Variants in OASL observed in about 807,000 individuals in gnomAD.
The protein encoded by OASL is 2'-5'-oligoadenylate synthase-like protein.
Under a neutral mutation model 35.3 loss-of-function variants are expected in OASL, and 28 were observed. That is an observed-to-expected ratio of 0.79 (90% confidence interval 0.59 to 1.09). The LOEUF (loss-of-function observed/expected upper bound fraction) is 1.09. Ranked by LOEUF, OASL falls within the 50% of genes least tolerant of loss-of-function variation. The pLI is 0.00. For synonymous variants in OASL, 252 were observed against 254.6 expected (o/e 0.99, Z 0.10); for missense variants, 620 against 635.2 (o/e 0.98, Z 0.26).
chr12:121,037,680 G>A (rs1295867060), intron 1 of OASL, among the ~76,000 whole-genome samples: 2 of 152,042 alleles, frequency 1.3e-5, no homozygotes, highest in African/African-American at 4.8e-5. Flanking sequence ...GCTGAGGCAG[G>A]GGAATTGCTT....
Position 121,021,972 on chromosome 12 carries a change from G to A in OASL, c.1048-914C>T, listed in dbSNP as rs115721757. On this transcript the variant is annotated intron_variant, in intron 5 of 5. Coordinates refer to ENST00000257570, the Ensembl canonical transcript of OASL. ...TCACCTCAGGCTGCAGTGCAGTGGT[G>A]CAATCTTAACTCACTGCGCCTTGAC... Among the ~76,000 whole-genome samples the A allele has an allele frequency of 3.6e-3, 541 of 152,190 alleles. 6 individuals are homozygous for A. Among genetic ancestry groups the A allele is most frequent in the African/African-American group, 0.012 (514 of 41,528 alleles).
intron 5 of OASL, among the ~76,000 whole-genome samples, chr12:121,021,627 A>G (rs183739427): frequency 5.6e-4 from 85 of 152,382 alleles, no homozygotes; most frequent in African/African-American, 1.9e-3. Context: ...CCTGGCCAAC[A>G]TGGCAAAACC....
intron 5 of OASL, among the ~76,000 whole-genome samples, chr12:121,021,748 T>G (rs904561131): frequency 6.6e-6 from 1 of 151,884 alleles, no homozygotes; most frequent in African/African-American, 2.4e-5. Flanking sequence ...GAGGTGGAGG[T>G]TGCAGTGAGC....
intron 1 of OASL, among the ~76,000 whole-genome samples, chr12:121,034,881 G>A (rs1355204854): frequency 1.3e-5 from 2 of 152,008 alleles, no homozygotes; most frequent in Non-Finnish European, 2.9e-5. Flanking sequence ...TTCTGCTGCC[G>A]GGGGGTCAGT....
At chr12:121,029,786 A>C in intron 3 of OASL, among the ~76,000 whole-genome samples, 1 of 152,316 alleles carries the variant, frequency 6.6e-6, no homozygotes, top group South Asian at 2.1e-4. Flanking sequence ...TAACATTATA[A>C]TTTTGTTAGA....
At chr12:121,037,761 ACT>A in intron 1 of OASL, among the ~76,000 whole-genome samples, 1 of 126,002 alleles carries the variant, frequency 7.9e-6, no homozygotes, top group South Asian at 2.8e-4. Context: ...ACAGAGCAAG[ACT>A]CTGTCTCAAA....
In OASL at chr12:121,038,893, G is replaced by A. The variant is rs774679549; in HGVS notation, c.79C>T (p.Arg27Trp). Residue 27 changes from arginine to tryptophan, a missense_variant, in exon 1 of 6, where the codon CGG becomes TGG. Arg to Trp is a moderately radical substitution (Grantham distance 101, BLOSUM62 -3). Coordinates refer to ENST00000257570, the Ensembl canonical transcript of OASL. ...TCTAGCACCTCTTCCTTCCACTCCC[G>A]GTGGGGCTGCAGCCACTGAGCCACG... 23 of 1,613,988 alleles carry A rather than the reference G, an allele frequency of 1.4e-5. No homozygotes were observed. The highest frequency in any genetic ancestry group is 1.3e-4 in the African/African-American group (10 of 74,936).
At chr12:121,026,770 C>A (rs1659487598) in intron 4 of OASL, among the ~76,000 whole-genome samples, 1 of 151,662 alleles carries the variant, frequency 6.6e-6, no homozygotes, top group South Asian at 2.1e-4. Flanking sequence ...GGGAATCACT[C>A]GAACCCAGGA....
intron 5 of OASL, 154 bp downstream of exon 5, chr12:121,023,836 A>C: frequency 1.3e-6 from 1 of 772,952 alleles, no homozygotes; most frequent in Non-Finnish European, 2.0e-6. Flanking sequence ...GAATTTGTCC[A>C]AGTTCACGGA....
At chr12:121,033,590 G>A in exon 2 of OASL, 1 of 1,614,190 alleles carries the variant, frequency 6.2e-7, no homozygotes. Context: ...AGGTCCAGCA[G>A]GTCCTGGCTT....
chr12:121,036,315 C>A (rs576170958), intron 1 of OASL, among the ~76,000 whole-genome samples: 1 of 152,284 alleles, frequency 6.6e-6, no homozygotes, highest in Non-Finnish European at 1.5e-5. Context: ...CAGCTCCGCT[C>A]ACTAGATTTT....
rs376664807 is a variant in OASL, at chr12:121,032,263, A to T, written c.482-646T>A. ...GTTCCATGGTACACATCACTGAGAC[A>T]TCCCAGCACTCTCTTCCTTGCTAAA... On this transcript the variant is annotated intron_variant, in intron 2 of 5. Transcript: ENST00000257570. 6.5e-4 allele frequency among the ~76,000 whole-genome samples: 99 copies of T among 152,290 alleles called. 2 individuals are homozygous for T. The South Asian group carries it at 0.015, about 24-fold the overall frequency.
chr12:121,037,422 A>G (rs1252768985), intron 1 of OASL, among the ~76,000 whole-genome samples: 1 of 151,930 alleles, frequency 6.6e-6, no homozygotes, highest in African/African-American at 2.4e-5. Flanking sequence ...TCAAGTTCAA[A>G]TCCCAGCTTC....
intron 2 of OASL, 61 bp from the exon 3 acceptor site, chr12:121,031,678 A>T: frequency 6.7e-7 from 1 of 1,495,166 alleles, no homozygotes; most frequent in Admixed American, 1.7e-5. Context: ...GGTGGTAAGT[A>T]GTATTTTGGG....
At chr12:121,020,481 T>G (rs1469359615) in exon 6 of OASL, 6 of 1,428,226 alleles carry the variant, frequency 4.2e-6, no homozygotes, top group Middle Eastern at 1.9e-4. Context: ...ACCTTCCCAG[T>G]AGACAATGGG....
In OASL at chr12:121,035,549, A is replaced by C. The variant is rs976285487; in HGVS notation, c.199-1806T>G. On this transcript the variant is annotated intron_variant, in intron 1 of 5. Transcript: ENST00000257570. ...AAACAAAACAAAACAACAAAAAAAAACGCCTTCACTTCCTGTATTGAGGTG... is the reference window on the plus strand; with the variant it reads ...AAACAAAACAAAACAACAAAAAAAACCGCCTTCACTTCCTGTATTGAGGTG... Among the ~76,000 whole-genome samples the C allele has an allele frequency of 3.3e-5, 5 of 152,012 alleles. No homozygotes were observed. In the East Asian group the frequency reaches 7.7e-4, roughly 23 times the overall value.
intron 1 of OASL, among the ~76,000 whole-genome samples, chr12:121,034,895 C>A (rs1869888972): frequency 6.6e-6 from 1 of 152,046 alleles, no homozygotes. Flanking sequence ...GGTCAGTTTT[C>A]CTGTTAGTAA....
At chr12:121,038,129 C>T (rs900070804) in intron 1 of OASL, among the ~76,000 whole-genome samples, 2 of 151,498 alleles carry the variant, frequency 1.3e-5, no homozygotes, top group Non-Finnish European at 2.9e-5. Context: ...AGTTAAAACA[C>T]ATAGAAAAAT....
At chr12:121,033,411 C>T in intron 2 of OASL, 50 bp downstream of exon 2, 6 of 1,583,610 alleles carry the variant, frequency 3.8e-6, no homozygotes, top group Non-Finnish European at 5.2e-6. Context: ...ACTGGGAAGT[C>T]TCCTGGGGTG....
Sources: gnomAD v4.1 joint callset for allele counts (sites outside exome capture counted in the v4.1 genomes callset) on GRCh38, gnomAD v4.1.1 for gene constraint, MANE v1.5 for transcripts, NCBI Gene and HGNC (gene_info 2026-07-23, HGNC 2026-07-21) for gene names.